Variants in KCTD20 observed in about 807,000 individuals in gnomAD.
The protein encoded by KCTD20 is potassium channel tetramerization domain containing 20.
KCTD20 carries 30 observed loss-of-function variants against 39.6 expected under a neutral mutation model. The ratio of observed to expected loss-of-function variants is 0.76; its 90% confidence interval spans 0.57 to 1.03. The LOEUF is 1.03. Ranked by LOEUF, KCTD20 falls within the 50% of genes least tolerant of loss-of-function variation. KCTD20 has a pLI of 0.00. For synonymous variants in KCTD20, 162 were observed against 180.6 expected, an observed-to-expected ratio of 0.90 and a Z score of 0.83; for missense variants, 422 against 522.0, an observed-to-expected ratio of 0.81 and a Z score of 1.87.
intron 1 of KCTD20, among the ~76,000 whole-genome samples, chr6:36,458,580 G>T (rs776246446): frequency 6.7e-6 from 1 of 150,200 alleles, no homozygotes; most frequent in African/African-American, 2.4e-5. Context: ...GAAAGGTCTG[G>T]CTATGTTGCC....
chr6:36,448,013 G>GTATA (rs10645937), intron 1 of KCTD20, among the ~76,000 whole-genome samples: 17,419 of 128,540 alleles, frequency 0.14, 1,286 homozygotes, highest in Middle Eastern at 0.23. Flanking sequence ...GTATGTGTGT[G>GTATA]TGTATATATA....
chr6:36,466,375 T>C (rs971895432), intron 1 of KCTD20, among the ~76,000 whole-genome samples: 8 of 141,604 alleles, frequency 5.6e-5, no homozygotes, highest in Admixed American at 3.6e-4. Flanking sequence ...GTTTTGCTGC[T>C]TTTTTTCTCT....
intron 6 of KCTD20, 21 bp from the exon 7 acceptor site, chr6:36,484,693 C>A: frequency 8.5e-7 from 1 of 1,170,852 alleles, no homozygotes; most frequent in South Asian, 1.3e-5. Context: ...CATGGCTAAC[C>A]CTATATTTTT....
At chr6:36,449,705 G>A (rs1485706017) in intron 1 of KCTD20, among the ~76,000 whole-genome samples, 3 of 152,032 alleles carry the variant, frequency 2.0e-5, no homozygotes, top group South Asian at 4.2e-4. Context: ...TGTTCTACTC[G>A]CCCCATTTTG....
At chr6:36,457,666 A>T (rs1416359130) in intron 1 of KCTD20, among the ~76,000 whole-genome samples, 1 of 152,216 alleles carries the variant, frequency 6.6e-6, no homozygotes, top group Non-Finnish European at 1.5e-5. Context: ...GTGAGTCATG[A>T]TCTGCCACTG....
At chr6:36,453,150 GA>G (rs1339437023) in intron 1 of KCTD20, among the ~76,000 whole-genome samples, 2 of 151,674 alleles carry the variant, frequency 1.3e-5, no homozygotes, top group East Asian at 3.9e-4. Context: ...TGGGATTACA[GA>G]CGCGTGCCAC....
intron 1 of KCTD20, among the ~76,000 whole-genome samples, chr6:36,466,904 TA>T (rs1775771878): frequency 1.3e-5 from 2 of 152,262 alleles, no homozygotes; most frequent in South Asian, 4.1e-4. Flanking sequence ...TTAGGTTTCA[TA>T]AGTCAAGAGA....
intron 1 of KCTD20, among the ~76,000 whole-genome samples, chr6:36,464,697 T>C (rs896265742): frequency 1.3e-5 from 2 of 151,976 alleles, no homozygotes; most frequent in Non-Finnish European, 2.9e-5. Context: ...ACAGAAAACC[T>C]GCTTAACAGA....
At chr6:36,475,240 G>A (rs1177016662) in intron 3 of KCTD20, among the ~76,000 whole-genome samples, 178 bp downstream of exon 3, 1 of 152,184 alleles carries the variant, frequency 6.6e-6, no homozygotes, top group African/African-American at 2.4e-5. Context: ...GAGGTCAGGA[G>A]TTTGAGACCA....
Position 36,469,632 on chromosome 6 carries a change from T to C in KCTD20, c.-46-420T>C, listed in dbSNP as rs557124284. Among the ~76,000 whole-genome samples the C allele has an allele frequency of 3.6e-4, 55 of 152,344 alleles. No homozygotes were observed. In the South Asian group the frequency reaches 0.01, roughly 28 times the overall value. On this transcript the variant is annotated intron_variant, in intron 1 of 7. Coordinates refer to ENST00000373731, the MANE Select transcript of KCTD20 (RefSeq NM_173562.5). This position sits in a 1 kb window ranked among gnomAD's most constrained non-coding sequence, Gnocchi z 4.6. ...AGGTTGTGATTGTTTTTTAATTTCC[T>C]GGTGCTTAATTGTTGCAACAGTGTA...
chr6:36,463,447 T>C (rs1775656258), intron 1 of KCTD20, among the ~76,000 whole-genome samples: 1 of 152,228 alleles, frequency 6.6e-6, no homozygotes, highest in South Asian at 2.1e-4. Context: ...TAAGAATATA[T>C]GTATATGTAC....
At chr6:36,449,784 C>T (rs1775183074) in intron 1 of KCTD20, among the ~76,000 whole-genome samples, 1 of 152,158 alleles carries the variant, frequency 6.6e-6, no homozygotes, top group Non-Finnish European at 1.5e-5. Flanking sequence ...TCTCCAAATA[C>T]AGGCACATTC....
chr6:36,457,882 A>G (rs1420744812), intron 1 of KCTD20, among the ~76,000 whole-genome samples: 1 of 152,056 alleles, frequency 6.6e-6, no homozygotes, highest in East Asian at 1.9e-4. Context: ...TTATTTTTGG[A>G]TATTTTTAGG....
chr6:36,443,830 A>G (rs756395758), intron 1 of KCTD20: 3 of 152,220 alleles, frequency 2.0e-5, no homozygotes, highest in African/African-American at 4.8e-5. Flanking sequence ...TTATTTTTAA[A>G]TAAGAATCTA....
intron 7 of KCTD20, among the ~76,000 whole-genome samples, chr6:36,485,128 G>A (rs1366660396): frequency 2.0e-5 from 3 of 152,238 alleles, no homozygotes; most frequent in East Asian, 1.9e-4. Flanking sequence ...TGAGAGCGTC[G>A]TTCTGCCACC....
At chr6:36,452,315 G>C (rs962223998) in intron 1 of KCTD20, among the ~76,000 whole-genome samples, 2 of 151,976 alleles carry the variant, frequency 1.3e-5, no homozygotes, top group African/African-American at 4.8e-5. Context: ...TTGGATTCTG[G>C]AAAAGTTTTA....
intron 7 of KCTD20, among the ~76,000 whole-genome samples, chr6:36,486,585 C>T (rs1248457221): frequency 6.6e-6 from 1 of 152,172 alleles, no homozygotes. Flanking sequence ...TTGTTGCCAG[C>T]AACAACAGGT....
intron 1 of KCTD20, among the ~76,000 whole-genome samples, chr6:36,449,415 A>G (rs569907859): frequency 6.6e-6 from 1 of 150,554 alleles, no homozygotes; most frequent in African/African-American, 2.5e-5. Context: ...GCGCTGATTC[A>G]TGCGTTTTTA....
rs775809236 is a variant in KCTD20, at chr6:36,487,198, T to C, written c.*23T>C. 4 of 1,593,762 alleles carry C rather than the reference T, an allele frequency of 2.5e-6. No individual in the cohort carries two copies. Among genetic ancestry groups the C allele is most frequent in the Non-Finnish European group, 2.6e-6 (3 of 1,168,750 alleles). Reference sequence around the variant, plus strand: ...TAGGGCCAGCTGTGGGTCTACTCCTTGTTGGAGCCCATCTCACCTGGGATG... The same window carrying C: ...TAGGGCCAGCTGTGGGTCTACTCCTCGTTGGAGCCCATCTCACCTGGGATG... On this transcript the variant is annotated 3_prime_UTR_variant, in exon 8 of 8. Coordinates refer to ENST00000373731, the MANE Select transcript of KCTD20 (RefSeq NM_173562.5).
Sources: gnomAD v4.1 joint callset for allele counts (sites outside exome capture counted in the v4.1 genomes callset) on GRCh38, gnomAD v4.1.1 for gene constraint, Gnocchi (gnomAD v3.1) non-coding constraint, MANE v1.5 for transcripts, NCBI Gene and HGNC (gene_info 2026-07-23, HGNC 2026-07-21) for gene names.